The following LOC128125817 variants were observed in gnomAD, a reference collection of about 807,000 sequenced individuals.
the LOC128125817 span, among the ~76,000 whole-genome samples, chr1:41,593,385 T>C: frequency 4.6e-5 from 7 of 152,232 alleles, no homozygotes; most frequent in Admixed American, 4.6e-4. Flanking sequence ...GCAGCAGCAC[T>C]GTATTCCATT....
the LOC128125817 span, among the ~76,000 whole-genome samples, chr1:41,589,001 G>A: frequency 6.6e-6 from 1 of 152,224 alleles, no homozygotes; most frequent in Non-Finnish European, 1.5e-5. Flanking sequence ...CAAATGTGGT[G>A]CGGCATAAAC....
At chr1:41,589,695 T>C in the LOC128125817 span, among the ~76,000 whole-genome samples, 1 of 152,112 alleles carries the variant, frequency 6.6e-6, no homozygotes, top group Admixed American at 6.6e-5. Context: ...GGGTCCCCGG[T>C]CAAAGTTAGA....
chr1:41,622,932 C>T, the LOC128125817 span, among the ~76,000 whole-genome samples: 1 of 152,224 alleles, frequency 6.6e-6, no homozygotes, highest in Non-Finnish European at 1.5e-5. Context: ...ATTTAATCTG[C>T]AGAGTAACTG....
chr1:41,619,144 C>T, the LOC128125817 span, among the ~76,000 whole-genome samples: 1 of 152,172 alleles, frequency 6.6e-6, no homozygotes, highest in African/African-American at 2.4e-5. Flanking sequence ...TGCCCCCACC[C>T]CCACTCCTCC....
At chr1:41,585,413 C>T in the LOC128125817 span, 12 of 398,292 alleles carry the variant, frequency 3.0e-5, no homozygotes, top group East Asian at 7.1e-5. Flanking sequence ...AGCCCAGACT[C>T]GGTGCCACAC....
the LOC128125817 span, chr1:41,585,313 C>T: frequency 5.0e-6 from 2 of 398,962 alleles, no homozygotes; most frequent in Non-Finnish European, 8.8e-6. Flanking sequence ...AAATCACGCT[C>T]TTCTTCTGTG....
At chr1:41,611,946 G>A in the LOC128125817 span, among the ~76,000 whole-genome samples, 1 of 152,164 alleles carries the variant, frequency 6.6e-6, no homozygotes, top group Non-Finnish European at 1.5e-5. Context: ...GACTAGGTCT[G>A]TGAAGATATA....
chr1:41,605,365 A>ACG, the LOC128125817 span, among the ~76,000 whole-genome samples: 30 of 124,444 alleles, frequency 2.4e-4, no homozygotes, highest in African/African-American at 8.2e-4. Context: ...ACATACACAC[A>ACG]CGCACACGCG....
At chr1:41,588,423 T>C in the LOC128125817 span, among the ~76,000 whole-genome samples, 3 of 152,042 alleles carry the variant, frequency 2.0e-5, no homozygotes, top group South Asian at 4.1e-4. Flanking sequence ...GACTCTACAT[T>C]GCTTAGTCCT....
the LOC128125817 span, among the ~76,000 whole-genome samples, chr1:41,627,985 C>T: frequency 6.6e-6 from 1 of 151,900 alleles, no homozygotes; most frequent in Admixed American, 6.6e-5. Context: ...AGAAAACATC[C>T]AAGGACTTGT....
chr1:41,611,244 G>A, the LOC128125817 span, among the ~76,000 whole-genome samples: 116,716 of 152,190 alleles, frequency 0.77, 45,648 homozygotes, highest in East Asian at 1. Flanking sequence ...CAAGTCAAGA[G>A]CATTTAATTG....
chr1:41,603,580 G>A, the LOC128125817 span, among the ~76,000 whole-genome samples: 1 of 151,916 alleles, frequency 6.6e-6, no homozygotes, highest in African/African-American at 2.4e-5. Flanking sequence ...AGCTGGTCTT[G>A]AACTCCTGAC....
At chr1:41,602,290 AT>A in the LOC128125817 span, among the ~76,000 whole-genome samples, 1 of 151,792 alleles carries the variant, frequency 6.6e-6, no homozygotes, top group Non-Finnish European at 1.5e-5. Flanking sequence ...CTCCTCTTCA[AT>A]TTTTTTTGGA....
chr1:41,620,251 G>GGCCAGGAGCACAAACCTCAA, the LOC128125817 span, among the ~76,000 whole-genome samples: 1 of 152,154 alleles, frequency 6.6e-6, no homozygotes, highest in Non-Finnish European at 1.5e-5. Context: ...CAGCTACGCT[G>GGCCAGGAGCACAAACCTCAA]GCCAGGAGCA....
At chr1:41,597,526 G>C in the LOC128125817 span, among the ~76,000 whole-genome samples, 1 of 152,084 alleles carries the variant, frequency 6.6e-6, no homozygotes, top group Non-Finnish European at 1.5e-5. Context: ...CCCTTCAGGC[G>C]GGTACTATTA....
chr1:41,619,744 C>CATATG, the LOC128125817 span, among the ~76,000 whole-genome samples: 1 of 152,068 alleles, frequency 6.6e-6, no homozygotes, highest in Non-Finnish European at 1.5e-5. Context: ...GGAGGCTGTC[C>CATATG]GAATGCTATA....
the LOC128125817 span, among the ~76,000 whole-genome samples, chr1:41,596,680 A>T: frequency 6.6e-6 from 1 of 152,338 alleles, no homozygotes; most frequent in Non-Finnish European, 1.5e-5. Context: ...ATTCTTACAC[A>T]TCCCCTTTTT....
chr1:41,620,960 G>A, the LOC128125817 span, among the ~76,000 whole-genome samples: 1 of 152,208 alleles, frequency 6.6e-6, no homozygotes, highest in Non-Finnish European at 1.5e-5. Context: ...CCCTGAGATT[G>A]GGAGAGGAAG....
chr1:41,606,733 A>G, the LOC128125817 span, among the ~76,000 whole-genome samples: 40 of 151,890 alleles, frequency 2.6e-4, 1 homozygote, highest in East Asian at 6.8e-3. Context: ...TTAAAAAACT[A>G]TTTTTTTCAA....
Sources: allele counts gnomAD v4.1 joint callset (sites outside exome capture counted in the v4.1 genomes callset), GRCh38; gene constraint gnomAD v4.1.1; transcripts MANE v1.5.